MOV10: variants seen among roughly 807,000 people sequenced by gnomAD.
The protein encoded by MOV10 is RNA helicase MOV-10.
MOV10 carries 39 observed loss-of-function variants against 108.4 expected under a neutral mutation model. The observed-to-expected ratio is 0.36, with a 90% CI of 0.28 to 0.47. The LOEUF is 0.47. Among genes scored for constraint, MOV10 ranks in the 20% least tolerant of loss-of-function variants. The probability of loss-of-function intolerance (pLI) is 1.00; values close to 1 mark genes in which losing one functional copy is unlikely to be tolerated. For synonymous variants in MOV10, 490 were observed against 523.1 expected (o/e 0.94, Z 0.86); for missense variants, 952 against 1,297.6 (o/e 0.73, Z 4.09).
At chr1:112,685,519 G>T (rs537757985) in intron 2 of MOV10, among the ~76,000 whole-genome samples, 1 of 151,926 alleles carries the variant, frequency 6.6e-6, no homozygotes, top group Non-Finnish European at 1.5e-5. Context: ...GCTGGGTGTG[G>T]TGGCGTGCAC....
At chr1:112,699,595 C>A in intron 17 of MOV10, 90 bp from the exon 18 acceptor site, 1 of 1,586,204 alleles carries the variant, frequency 6.3e-7, no homozygotes, top group South Asian at 1.2e-5. Context: ...AGTGACCTCT[C>A]TGTACCCTCC....
chr1:112,696,342 G>A (rs538031263), intron 12 of MOV10, 91 bp downstream of exon 12: 7 of 1,411,616 alleles, frequency 5.0e-6, no homozygotes, highest in Non-Finnish European at 1.0e-6. Flanking sequence ...TTTCCGGAGT[G>A]GGGTGGTGGG....
At chr1:112,680,732 T>G (rs1251436817) in intron 2 of MOV10, among the ~76,000 whole-genome samples, 1 of 134,000 alleles carries the variant, frequency 7.5e-6, no homozygotes. Flanking sequence ...TTTTTAAATC[T>G]CTCTCTGTCA....
intron 5 of MOV10, among the ~76,000 whole-genome samples, chr1:112,690,641 C>T (rs1317246069): frequency 3.9e-5 from 6 of 151,932 alleles, no homozygotes; most frequent in Non-Finnish European, 7.4e-5. Context: ...ATTACAGGGG[C>T]GAGCCACCGT....
intron 2 of MOV10, among the ~76,000 whole-genome samples, chr1:112,688,018 C>T (rs1673221831): frequency 6.6e-6 from 1 of 152,088 alleles, no homozygotes; most frequent in Admixed American, 6.5e-5. Flanking sequence ...TATGCTGCCT[C>T]CTGGGAAGGC....
At chr1:112,698,206 T>G in intron 15 of MOV10, 81 bp from the exon 16 acceptor site, 1 of 1,597,646 alleles carries the variant, frequency 6.3e-7, no homozygotes, top group Non-Finnish European at 8.6e-7. Flanking sequence ...CTAGGATCTC[T>G]TACTCTCTGG....
intron 17 of MOV10, chr1:112,699,097 C>T (rs996082589): frequency 8.2e-6 from 3 of 367,272 alleles, no homozygotes; most frequent in African/African-American, 4.2e-5. Flanking sequence ...CCACCCCCAC[C>T]CCCAGTAGCC....
chr1:112,696,998 C>A, intron 14 of MOV10, 152 bp downstream of exon 14: 2 of 685,132 alleles, frequency 2.9e-6, no homozygotes, highest in Non-Finnish European at 5.0e-6. Context: ...GTTTTTCTAG[C>A]CCCAGCACTG....
intron 2 of MOV10, among the ~76,000 whole-genome samples, chr1:112,681,026 C>T (rs555274353): frequency 6.6e-6 from 1 of 152,014 alleles, no homozygotes; most frequent in South Asian, 2.1e-4. Context: ...TGCAGGCATG[C>T]TTATATCACA....
At chr1:112,700,377 G>T in intron 20 of MOV10, 37 bp downstream of exon 20, 3 of 1,614,102 alleles carry the variant, frequency 1.9e-6, no homozygotes, top group South Asian at 1.1e-5. Flanking sequence ...TGCCAGAGGA[G>T]GTGGTAAGGA....
chr1:112,695,404 T>C lies in MOV10; in HGVS notation c.1621-12T>C, dbSNP rs1031735390. On this transcript the variant is annotated splice_polypyrimidine_tract_variant and intron_variant, in intron 10 of 20. Coordinates refer to ENST00000369645, the MANE Select transcript of MOV10 (RefSeq NM_001321324.2). ...GAACCTGCCTCCCACACTGCGCTTA[T>C]CTGCATCTCAGGTGGTGAAGCACTT... The C allele has an allele frequency of 1.9e-6, 3 of 1,613,512 alleles. No individual in the cohort carries two copies. Among genetic ancestry groups the C allele is most frequent in the Non-Finnish European group, 2.5e-6 (3 of 1,179,708 alleles).
chr1:112,680,650 C>T (rs1239078428), intron 2 of MOV10, among the ~76,000 whole-genome samples: 39 of 108,844 alleles, frequency 3.6e-4, no homozygotes, highest in Non-Finnish European at 6.1e-4. Flanking sequence ...AGTGAGACTC[C>T]GTCTCAAAAA....
intron 2 of MOV10, among the ~76,000 whole-genome samples, chr1:112,678,608 A>G (rs1002177126): frequency 6.6e-6 from 1 of 152,054 alleles, no homozygotes; most frequent in Non-Finnish European, 1.5e-5. Flanking sequence ...ATATTTGAGT[A>G]GAATCTTGAA....
In MOV10 at chr1:112,694,000, T is replaced by C. The variant is rs1357302671; in HGVS notation, c.1141-18T>C. On this transcript the variant is annotated intron_variant, in intron 7 of 20. Coordinates refer to ENST00000369645, the MANE Select transcript of MOV10 (RefSeq NM_001321324.2). ...TCCATCCCTGGGACAGAAGCTTGCT[T>C]GTGTTCACACCCCATAGGTTCCTGG... is the stretch of plus-strand genomic sequence containing the variant. The C allele has an allele frequency of 1.2e-6, 2 of 1,613,404 alleles. No individual in the cohort carries two copies. The highest frequency in any genetic ancestry group is 1.7e-6 in the Non-Finnish European group (2 of 1,179,734).
intron 2 of MOV10, among the ~76,000 whole-genome samples, chr1:112,686,071 T>C (rs1019348597): frequency 3.9e-5 from 6 of 152,222 alleles, no homozygotes; most frequent in Non-Finnish European, 5.9e-5. Context: ...AGACAGGGCA[T>C]GCACTTCCCA....
chr1:112,689,380 C>CA, intron 3 of MOV10, 35 bp from the exon 4 acceptor site: 1 of 866,158 alleles, frequency 1.2e-6, no homozygotes, highest in Non-Finnish European at 2.0e-6. Flanking sequence ...AGACCGCTCC[C>CA]ACCCCAACCC....
intron 13 of MOV10, 35 bp from the exon 14 acceptor site, chr1:112,696,595 C>G: frequency 1.2e-6 from 2 of 1,613,166 alleles, no homozygotes; most frequent in Non-Finnish European, 8.5e-7. Context: ...GGTTGCACCA[C>G]TTACCTTTCT....
In MOV10 at chr1:112,691,325, T is replaced by C. The variant is rs367761001; in HGVS notation, c.837-340T>C. Among the ~76,000 whole-genome samples the C allele has an allele frequency of 3.3e-5, 5 of 152,108 alleles. No individual in the cohort carries two copies. In the South Asian group the frequency reaches 1.0e-3, roughly 31 times the overall value. On this transcript the variant is annotated intron_variant, in intron 5 of 20. Transcript: ENST00000369645. ...TACATAATAGGACCTTCACAGACCA[T>C]TGTGCTCTTTTTGTTGACTATATAT...
chr1:112,689,697 C>G, intron 4 of MOV10, 47 bp downstream of exon 4: 1 of 1,597,934 alleles, frequency 6.3e-7, no homozygotes, highest in Non-Finnish European at 8.6e-7. Flanking sequence ...GGGCTTGTCC[C>G]AGGCAGTGCT....
Sources: gnomAD v4.1 joint callset for allele counts (sites outside exome capture counted in the v4.1 genomes callset) on GRCh38, gnomAD v4.1.1 for gene constraint, MANE v1.5 for transcripts, NCBI Gene and HGNC (gene_info 2026-07-23, HGNC 2026-07-21) for gene names.